Variants in SEPTIN8 observed in about 807,000 individuals in gnomAD.
SEPTIN8 encodes septin-8.
Under a neutral mutation model 53.1 loss-of-function variants are expected in SEPTIN8, and 22 were observed. The observed-to-expected ratio is 0.41, with a 90% CI of 0.30 to 0.59. The LOEUF (loss-of-function observed/expected upper bound fraction) is 0.59. Among genes scored for constraint, SEPTIN8 ranks in the 20% least tolerant of loss-of-function variants. The pLI is 0.24. For synonymous variants in SEPTIN8, 228 were observed against 248.4 expected (o/e 0.92, Z 0.77); for missense variants, 536 against 638.7 (o/e 0.84, Z 1.73).
intron 1 of SEPTIN8, among the ~76,000 whole-genome samples, chr5:132,766,105 C>T (rs1756561122): frequency 6.6e-6 from 1 of 152,240 alleles, no homozygotes; most frequent in Non-Finnish European, 1.5e-5. Context: ...GCTCCTCACA[C>T]ACCCACGTGT....
upstream of SEPTIN8, among the ~76,000 whole-genome samples, chr5:132,779,156 G>A (rs994092384): frequency 1.3e-5 from 2 of 152,140 alleles, no homozygotes; most frequent in East Asian, 3.8e-4. Flanking sequence ...CCACAATGCC[G>A]AAATTTCTCT....
In SEPTIN8 at chr5:132,751,603, T is replaced by G. The variant is rs957141297; in HGVS notation, c.*413A>C. 1 of 309,606 alleles carries G rather than the reference T, an allele frequency of 3.2e-6. No individual in the cohort carries two copies. Among genetic ancestry groups the G allele is most frequent in the Admixed American group, 4.7e-5 (1 of 21,362 alleles). The allele number at this position is 309,606 out of a possible 1,614,324, so 19.2% of individuals were successfully genotyped here. A position where few individuals can be genotyped will look rare whatever the true frequency, so the allele number is the denominator to read the frequency against. On this transcript the variant is annotated 3_prime_UTR_variant, in exon 10 of 10. Transcript: ENST00000378719. ...GTTTCATTACGAAAACTGGCCACCG[T>G]TGCCAAGTTGCAGAGTTTCGTCTTA...
At chr5:132,764,028 T>C in intron 3 of SEPTIN8, 136 bp from the exon 4 acceptor site, 1 of 1,031,572 alleles carries the variant, frequency 9.7e-7, no homozygotes, top group Non-Finnish European at 1.4e-6. Flanking sequence ...CTGAGATCCC[T>C]GACTGGATAC....
At chr5:132,757,853 C>G in intron 9 of SEPTIN8, 1 of 985,530 alleles carries the variant, frequency 1.0e-6, no homozygotes, top group Non-Finnish European at 1.2e-6. Flanking sequence ...ACATCAGACA[C>G]CTTCATCTCT....
intron 9 of SEPTIN8, chr5:132,753,173 G>A: frequency 1.7e-6 from 1 of 582,712 alleles, no homozygotes; most frequent in Non-Finnish European, 3.1e-6. Flanking sequence ...GTAGAGGTCA[G>A]GGTGGTCTGA....
At chr5:132,762,119 G>A (rs1756041671) in intron 5 of SEPTIN8, among the ~76,000 whole-genome samples, 1 of 152,150 alleles carries the variant, frequency 6.6e-6, no homozygotes, top group Admixed American at 6.5e-5. Context: ...GATTCTCCAG[G>A]CTGTTCTTTC....
At chr5:132,779,181 G>C (rs1026012196), upstream of SEPTIN8, among the ~76,000 whole-genome samples, 15 of 152,210 alleles carry the variant, frequency 9.9e-5, no homozygotes, top group Non-Finnish European at 2.2e-4. Context: ...TTATGCTGCT[G>C]CTGGTCAGAA....
chr5:132,758,616 CA>C, intron 9 of SEPTIN8: 1 of 1,599,668 alleles, frequency 6.3e-7, no homozygotes, highest in Non-Finnish European at 8.5e-7. Flanking sequence ...TACGTGTTTG[CA>C]TAGAGAGGGG....
At chr5:132,757,999 CAT>C (rs1050939780) in intron 9 of SEPTIN8, 4 of 988,038 alleles carry the variant, frequency 4.0e-6, no homozygotes, top group Middle Eastern at 5.2e-4. Flanking sequence ...AACACACACA[CAT>C]GGAGTTGGTC....
upstream of SEPTIN8, chr5:132,778,032 A>G (rs1581211326): frequency 5.1e-6 from 5 of 985,500 alleles, no homozygotes; most frequent in Non-Finnish European, 6.0e-6. Context: ...CAGTGCGTGC[A>G]CGTTCTCTCC....
chr5:132,764,055 C>T, intron 3 of SEPTIN8, 163 bp from the exon 4 acceptor site: 4 of 941,714 alleles, frequency 4.2e-6, no homozygotes, highest in Non-Finnish European at 6.3e-6. Context: ...CTGACCCCTT[C>T]TCCAGACACC....
chr5:132,761,020 C>A lies in SEPTIN8; in HGVS notation c.1096-28G>T, dbSNP rs575596355. 6.3e-7 allele frequency: 1 copy of A among 1,584,772 alleles called. No homozygotes were observed. Among genetic ancestry groups the A allele is most frequent in the African/African-American group, 1.3e-5 (1 of 74,488 alleles). On this transcript the variant is annotated intron_variant, in intron 8 of 9. Transcript: ENST00000378719. This position sits in a 1 kb window ranked among gnomAD's most constrained non-coding sequence, Gnocchi z 5.8. ...GGCATCAGAAAGGGGGCAGAAGATG[C>A]GGGGAGCAAGAGGAGGGCTTGAGCC...
intron 9 of SEPTIN8, chr5:132,753,034 T>C (rs1461244402): frequency 2.5e-5 from 32 of 1,290,438 alleles, no homozygotes; most frequent in South Asian, 2.3e-4. Flanking sequence ...TGGACTACCA[T>C]GAGTTCTTTG....
chr5:132,763,885 G>C lies in SEPTIN8; in HGVS notation c.355C>G (p.Pro119Ala). The C allele has an allele frequency of 1.3e-6, 2 of 1,568,626 alleles. No homozygotes were observed. The highest frequency in any genetic ancestry group is 1.8e-5 in the Admixed American group (1 of 56,210). The part of the protein sequence containing the change: ...DQINKDESYR[P>A]IVDYIDAQFE... The stretch of plus-strand genomic sequence containing the variant: ...TGCGCATCGATGTAGTCAACTATGG[G>C]CCTGTAACTACAGACAGCTCCATCA... Residue 119 changes from proline (P) to alanine (A), a missense_variant, in exon 4 of 10, where the codon CCC (proline) becomes GCC (alanine). Around this residue, in one of 3 missense-constraint regions of SEPTIN8, gnomAD observed 395 missense variants for 451.8 expected, o/e 0.87. Coordinates refer to ENST00000378719, the MANE Select transcript of SEPTIN8 (RefSeq NM_001098811.2).
chr5:132,756,989 C>T lies in SEPTIN8; in HGVS notation c.1286+3813G>A, dbSNP rs1755402035. 4 of 985,266 alleles carry T rather than the reference C, an allele frequency of 4.1e-6. No individual in the cohort carries two copies. In the African/African-American group the frequency reaches 5.2e-5, roughly 13 times the overall value. The allele number at this position is 985,266 out of a possible 1,614,324, so 61.0% of individuals were successfully genotyped here. A position where few individuals can be genotyped will look rare whatever the true frequency, so the allele number is the denominator to read the frequency against. ...TGACCCAACTGCATACACTTTCAGA[C>T]ATAAAATTACCCTAGAGATGAGCCA... On this transcript the variant is annotated intron_variant, in intron 9 of 9. Transcript: ENST00000378719.
At position 132,764,364 on chromosome 5, in the gene SEPTIN8, G is replaced by A. The variant is rs371408126; in HGVS notation, c.207C>T (p.Phe69=). 59 of 1,614,178 alleles carry A rather than the reference G, an allele frequency of 3.7e-5. No individual in the cohort carries two copies. Among genetic ancestry groups the A allele is most frequent in the South Asian group, 1.5e-4 (14 of 91,072 alleles). ...TLMNTLFNTT[F]ETEEASHHEA... Reference sequence around the variant, plus strand: ...CATGGTGACTGGCTTCCTCAGTCTCGAAGGTCGTGTTGAAGAGTGTGTTCA... The same window carrying A: ...CATGGTGACTGGCTTCCTCAGTCTCAAAGGTCGTGTTGAAGAGTGTGTTCA... The change falls in exon 3 of 10, where the codon TTC becomes TTT. Residue 69 remains phenylalanine (F), a synonymous_variant. Transcript: ENST00000378719.
upstream of SEPTIN8, chr5:132,778,147 C>T: frequency 2.3e-6 from 2 of 879,816 alleles, no homozygotes; most frequent in South Asian, 1.0e-4. Context: ...ACAAAAGCAG[C>T]TCCCAAATCC....
At chr5:132,763,008 C>T (rs1756154868) in intron 4 of SEPTIN8, among the ~76,000 whole-genome samples, 1 of 152,162 alleles carries the variant, frequency 6.6e-6, no homozygotes, top group Admixed American at 6.5e-5. Context: ...CCCCACTAAG[C>T]AGGTAAAAGG....
intron 1 of SEPTIN8, among the ~76,000 whole-genome samples, chr5:132,767,982 C>CACACAA (rs1038588760): frequency 6.6e-5 from 10 of 150,898 alleles, no homozygotes; most frequent in African/African-American, 2.0e-4. Flanking sequence ...CACACACACA[C>CACACAA]ACACGCAGCC....
Sources: gnomAD v4.1 joint callset for allele counts (sites outside exome capture counted in the v4.1 genomes callset) on GRCh38, gnomAD v4.1.1 for gene constraint, gnomAD v4.1.1 regional missense constraint, Gnocchi (gnomAD v3.1) non-coding constraint, MANE v1.5 for transcripts, NCBI Gene and HGNC (gene_info 2026-07-23, HGNC 2026-07-21) for gene names.